Variants in PSMC5 observed in about 807,000 individuals in gnomAD.
The protein encoded by PSMC5 is 26S proteasome regulatory subunit 8.
Under a neutral mutation model 49.1 loss-of-function variants are expected in PSMC5, and 11 were observed. The ratio of observed to expected loss-of-function variants is 0.22; its 90% confidence interval spans 0.14 to 0.37. The LOEUF is 0.37. Among genes scored for constraint, PSMC5 ranks in the 10% least tolerant of loss-of-function variants. The probability of loss-of-function intolerance (pLI) is 1.00; values close to 1 mark genes in which losing one functional copy is unlikely to be tolerated. For missense variants in PSMC5, 229 were observed against 520.9 expected (o/e 0.44, Z 5.45); for synonymous variants, 206 against 192.2 (o/e 1.07, Z -0.59).
At position 63,832,009 on chromosome 17, in the gene PSMC5, T is replaced by TGG; in HGVS notation, c.*42_*43dup. 6.3e-7 allele frequency: 1 copy of TGG among 1,581,714 alleles called. No individual in the cohort carries two copies. The highest frequency in any genetic ancestry group is 1.1e-5 in the South Asian group (1 of 90,340). The stretch of plus-strand genomic sequence containing the variant: ...TGTGTATCTCTCCAATAAAGCTCTG[T>TGG]GGGCCAAGTCCTCTAGGACTCCAGT... On this transcript the variant is annotated 3_prime_UTR_variant, in exon 12 of 12. Transcript: ENST00000310144.
At chr17:63,828,315 T>A (rs2040137625) in intron 2 of PSMC5, 106 bp downstream of exon 2, 3 of 1,094,286 alleles carry the variant, frequency 2.7e-6, no homozygotes, top group Non-Finnish European at 4.0e-6. Flanking sequence ...AAGAAGCTGC[T>A]GCTTCTCCTT....
In PSMC5 at chr17:63,830,986, AGAGCTAAT is replaced by A; in HGVS notation, c.680-49_680-42del. 2 of 1,611,366 alleles carry A rather than the reference AGAGCTAAT, an allele frequency of 1.2e-6. No homozygotes were observed. Among genetic ancestry groups the A allele is most frequent in the Non-Finnish European group, 1.7e-6 (2 of 1,178,374 alleles). ...GCAAGAGGTAGGGGTAGGGGGTTAG[AGAGCTAAT>A]AAGCTAATAAGCTCCCTAACACCAG... On this transcript the variant is annotated intron_variant, in intron 7 of 11. Transcript: ENST00000310144. This position sits in a 1 kb window ranked among gnomAD's most constrained non-coding sequence, Gnocchi z 4.0.
rs776701733 is a variant in PSMC5 at position 63,830,170 on chromosome 17, A to G, written c.302A>G (p.Lys101Arg). 1 of 1,614,228 alleles carries G rather than the reference A, an allele frequency of 6.2e-7. No homozygotes were observed. Among genetic ancestry groups the G allele is most frequent in the Non-Finnish European group, 8.5e-7 (1 of 1,180,034 alleles). The change falls in exon 5 of 12, where the codon AAA (lysine) becomes AGA (arginine). Residue 101 changes from lysine to arginine, a missense_variant. Lys to Arg is a conservative substitution (Grantham distance 26). Coordinates refer to ENST00000310144, the MANE Select transcript of PSMC5 (RefSeq NM_002805.6). This position sits in a 1 kb window ranked among gnomAD's most constrained non-coding sequence, Gnocchi z 4.0. ...GGTAAATTTGTTGTAGACGTGGACA[A>G]AAACATTGACATCAATGATGTGAGT... The part of the protein sequence containing the change: ...PEGKFVVDVD[K>R]NIDINDVTPN...
chr17:63,830,232 C>A lies in PSMC5; in HGVS notation c.322-39C>A. On this transcript the variant is annotated intron_variant, in intron 5 of 11. Transcript: ENST00000310144. The surrounding 1 kb of genome is among the most constrained non-coding windows in gnomAD (Gnocchi z 4.0). ...GGTGGTGGTGGTGGTGGGGTCAGCT[C>A]TTACTGTACCACTTCTGAAACTCGC... is the stretch of plus-strand genomic sequence containing the variant. The A allele has an allele frequency of 5.0e-6, 8 of 1,613,790 alleles. No individual in the cohort carries two copies. The highest frequency in any genetic ancestry group is 6.8e-6 in the Non-Finnish European group (8 of 1,179,870).
chr17:63,831,115 C>T lies in PSMC5; in HGVS notation c.759C>T (p.Ser253=). Residue 253 remains serine, a synonymous_variant, in exon 8 of 12, where the codon TCC becomes TCT. Transcript: ENST00000310144. The surrounding 1 kb of genome is among the most constrained non-coding windows in gnomAD (Gnocchi z 6.3). ...TCATCTTCATGGACGAAATCGACTC[C>T]ATCGGCTCCTCGCGGCTGGAGGGGG... ...PSIIFMDEID[S]IGSSRLEGGS... is the part of the protein sequence containing the mutation. 1 of 1,569,170 alleles carries T rather than the reference C, an allele frequency of 6.4e-7. No individual in the cohort carries two copies. The highest frequency in any genetic ancestry group is 1.2e-5 in the South Asian group (1 of 83,144).
rs767100200 is a variant in PSMC5 at position 63,830,968 on chromosome 17, G to A, written c.679+33G>A. The A allele has an allele frequency of 1.5e-5, 25 of 1,613,560 alleles. 1 individual carries two copies. In the Middle Eastern group the frequency reaches 1.2e-3, roughly 74 times the overall value. ...TGGCTAGCAATGTGAGAAGCAAGAGGTAGGGGTAGGGGGTTAGAGAGCTAA... is the reference window on the plus strand; with the variant it reads ...TGGCTAGCAATGTGAGAAGCAAGAGATAGGGGTAGGGGGTTAGAGAGCTAA... On this transcript the variant is annotated intron_variant, in intron 7 of 11. Coordinates refer to ENST00000310144, the MANE Select transcript of PSMC5 (RefSeq NM_002805.6). This position sits in a 1 kb window ranked among gnomAD's most constrained non-coding sequence, Gnocchi z 4.0.
rs1187221893 is a variant in PSMC5, at chr17:63,831,020, C to T, written c.680-16C>T. 6.3e-7 allele frequency: 1 copy of T among 1,590,560 alleles called. No homozygotes were observed. The highest frequency in any genetic ancestry group is 8.6e-7 in the Non-Finnish European group (1 of 1,166,336). On this transcript the variant is annotated splice_polypyrimidine_tract_variant and intron_variant, in intron 7 of 11. Transcript: ENST00000310144. The surrounding 1 kb of genome is among the most constrained non-coding windows in gnomAD (Gnocchi z 6.3). ...AAGCTAATAAGCTCCCTAACACCAGCTCGGCCTCCACACAGGGGCAAGAAT... is the reference window on the plus strand; with the variant it reads ...AAGCTAATAAGCTCCCTAACACCAGTTCGGCCTCCACACAGGGGCAAGAAT...
Position 63,830,110 on chromosome 17 carries a change from G to T in PSMC5, c.265-23G>T, listed in dbSNP as rs756984247. ...AGTGATTTGGTGGCTGTCAAGGAAGGTCATGAGCCCTTGTTTCTTTAGGTA... is the reference window on the plus strand; with the variant it reads ...AGTGATTTGGTGGCTGTCAAGGAAGTTCATGAGCCCTTGTTTCTTTAGGTA... On this transcript the variant is annotated intron_variant, in intron 4 of 11. Transcript: ENST00000310144. The surrounding 1 kb of genome is among the most constrained non-coding windows in gnomAD (Gnocchi z 4.0). 2.3e-5 allele frequency: 37 copies of T among 1,610,896 alleles called. No homozygotes were observed. The South Asian group carries it at 3.5e-4, about 15-fold the overall frequency.
chr17:63,827,504 G>A lies in PSMC5; in HGVS notation c.14G>A (p.Gly5Glu). 1 of 1,551,764 alleles carries A rather than the reference G, an allele frequency of 6.4e-7. No homozygotes were observed. The highest frequency in any genetic ancestry group is 1.4e-5 in the African/African-American group (1 of 73,200). Reference protein sequence around the residue: MALDGPEQMELEEGK... With the variant: MALDEPEQMELEEGK... ...TGAAGAGAGAAGATGGCGCTTGACGGACCAGAGCAGGTATGGCGGGTGCAG... is the reference window on the plus strand; with the variant it reads ...TGAAGAGAGAAGATGGCGCTTGACGAACCAGAGCAGGTATGGCGGGTGCAG... The change falls in exon 1 of 12, where the codon GGA becomes GAA. Residue 5 changes from glycine to glutamate, a missense_variant. This residue lies in a region of PSMC5 where 98 missense variants were observed against 144.0 expected (regional missense o/e 0.68). Transcript: ENST00000310144.
chr17:63,829,649 GCTTA>G (rs763583802), intron 3 of PSMC5, 86 bp downstream of exon 3: 56 of 1,391,080 alleles, frequency 4.0e-5, no homozygotes, highest in Non-Finnish European at 4.8e-5. Flanking sequence ...TCACAGCAGT[GCTTA>G]CTGTTTTCTC....
chr17:63,830,202 G>A lies in PSMC5; in HGVS notation c.321+13G>A, dbSNP rs773411998. Reference sequence around the variant, plus strand: ...TGACATCAATGATGTGAGTGTAGCAGGTGAGGTGGTGGTGGTGGTGGGGTC... The same window carrying A: ...TGACATCAATGATGTGAGTGTAGCAAGTGAGGTGGTGGTGGTGGTGGGGTC... On this transcript the variant is annotated intron_variant, in intron 5 of 11. Coordinates refer to ENST00000310144, the MANE Select transcript of PSMC5 (RefSeq NM_002805.6). This position sits in a 1 kb window ranked among gnomAD's most constrained non-coding sequence, Gnocchi z 4.0. 1 of 1,614,128 alleles carries A rather than the reference G, an allele frequency of 6.2e-7. No homozygotes were observed. Among genetic ancestry groups the A allele is most frequent in the Non-Finnish European group, 8.5e-7 (1 of 1,180,002 alleles).
chr17:63,829,365 T>C lies in PSMC5; in HGVS notation c.97-129T>C, dbSNP rs564180784. ...GGGTCATTAGGATCATACTGGAGAA[T>C]CTGAAACAACATGCAGGTGCCCTGT... On this transcript the variant is annotated intron_variant, in intron 2 of 11. Coordinates refer to ENST00000310144, the MANE Select transcript of PSMC5 (RefSeq NM_002805.6). 15 of 784,420 alleles carry C rather than the reference T, an allele frequency of 1.9e-5. No homozygotes were observed. The African/African-American group carries it at 2.4e-4, about 13-fold the overall frequency. The allele number at this position is 784,420 out of a possible 1,614,324, so 48.6% of individuals were successfully genotyped here. A position where few individuals can be genotyped will look rare whatever the true frequency, so the allele number is the denominator to read the frequency against.
rs1443382148 is a variant in PSMC5 at position 63,830,271 on chromosome 17, G to C, written c.322G>C (p.Val108Leu). ...DVDKNIDIND[V>L]TPNCRVALRN... ...TCTGAAACTCGCCCCCTTCACCCAG[G>C]TGACACCCAATTGCCGGGTGGCTCT... The change falls in exon 6 of 12, where the codon GTG (valine) becomes CTG (leucine). Residue 108 changes from valine (V) to leucine (L), a missense_variant and splice_region_variant. Val to Leu is a conservative substitution (Grantham distance 32, BLOSUM62 1). Around this residue, in one of 4 missense-constraint regions of PSMC5, gnomAD observed 98 missense variants for 144.0 expected, o/e 0.68. Coordinates refer to ENST00000310144, the MANE Select transcript of PSMC5 (RefSeq NM_002805.6). The surrounding 1 kb of genome is among the most constrained non-coding windows in gnomAD (Gnocchi z 4.0). 2 of 1,614,146 alleles carry C rather than the reference G, an allele frequency of 1.2e-6. No individual in the cohort carries two copies. The highest frequency in any genetic ancestry group is 1.7e-6 in the Non-Finnish European group (2 of 1,180,040).
In PSMC5 at chr17:63,830,520, C is replaced by T; in HGVS notation, c.552+19C>T. 6.2e-7 allele frequency: 1 copy of T among 1,612,540 alleles called. No homozygotes were observed. Among genetic ancestry groups the T allele is most frequent in the South Asian group, 1.1e-5 (1 of 90,970 alleles). On this transcript the variant is annotated intron_variant, in intron 6 of 11. Coordinates refer to ENST00000310144, the MANE Select transcript of PSMC5 (RefSeq NM_002805.6). This position sits in a 1 kb window ranked among gnomAD's most constrained non-coding sequence, Gnocchi z 4.0. ...GCCCAAGGTGAGGAGCAGGGCTTCT[C>T]TGAGAGGGCCAAGCTGTACTTACTC...
intron 1 of PSMC5, 61 bp downstream of exon 1, chr17:63,827,575 C>A: frequency 6.4e-7 from 1 of 1,551,194 alleles, no homozygotes; most frequent in Admixed American, 2.0e-5. Context: ...CGAGCGTGAT[C>A]TGAGTGGAGA....
chr17:63,830,415 A>C lies in PSMC5; in HGVS notation c.466A>C (p.Lys156Gln), dbSNP rs1228067269. 1 of 1,614,120 alleles carries C rather than the reference A, an allele frequency of 6.2e-7. No homozygotes were observed. Among genetic ancestry groups the C allele is most frequent in the Non-Finnish European group, 8.5e-7 (1 of 1,180,056 alleles). The change falls in exon 6 of 12, where the codon AAA becomes CAA. Residue 156 changes from lysine (K) to glutamine (Q), a missense_variant. By Grantham distance (53) the Lys-to-Gln change is moderately conservative. This residue lies in a region of PSMC5 where 0 missense variants were observed against 23.9 expected (regional missense o/e 0.00). Coordinates refer to ENST00000310144, the MANE Select transcript of PSMC5 (RefSeq NM_002805.6). This position sits in a 1 kb window ranked among gnomAD's most constrained non-coding sequence, Gnocchi z 4.0. ...TTATGAGATGATTGGTGGACTGGAC[A>C]AACAGATCAAGGAGATCAAAGAAGT... The part of the protein sequence containing the change: ...STYEMIGGLD[K>Q]QIKEIKEVIE...
At position 63,830,509 on chromosome 17, in the gene PSMC5, G is replaced by T. The variant is rs2040169364; in HGVS notation, c.552+8G>T. ...GGCATTGCTCAGCCCAAGGTGAGGA[G>T]CAGGGCTTCTCTGAGAGGGCCAAGC... On this transcript the variant is annotated splice_region_variant and intron_variant, in intron 6 of 11. Coordinates refer to ENST00000310144, the MANE Select transcript of PSMC5 (RefSeq NM_002805.6). This position sits in a 1 kb window ranked among gnomAD's most constrained non-coding sequence, Gnocchi z 4.0. 8 of 1,613,524 alleles carry T rather than the reference G, an allele frequency of 5.0e-6. No homozygotes were observed. The highest frequency in any genetic ancestry group is 6.8e-6 in the Non-Finnish European group (8 of 1,179,946).
intron 1 of PSMC5, 115 bp downstream of exon 1, chr17:63,827,629 C>A: frequency 6.5e-7 from 1 of 1,543,442 alleles, no homozygotes; most frequent in Non-Finnish European, 8.7e-7. Flanking sequence ...GGTGCCTGGA[C>A]CAGTCCATGC....
Position 63,831,908 on chromosome 17 carries a change from A to AC in PSMC5, c.1168-4dup, listed in dbSNP as rs1426086577. 2 of 1,613,674 alleles carry AC rather than the reference A, an allele frequency of 1.2e-6. No homozygotes were observed. Among genetic ancestry groups the AC allele is most frequent in the South Asian group, 2.2e-5 (2 of 91,060 alleles). ...TAACTTAATGTTCATTCTCTCTCCC[A>AC]CCCCTAGGTCATGCAGAAGGACAGT... is the stretch of plus-strand genomic sequence containing the variant. On this transcript the variant is annotated splice_region_variant and splice_polypyrimidine_tract_variant and intron_variant, in intron 11 of 11. Transcript: ENST00000310144. This position sits in a 1 kb window ranked among gnomAD's most constrained non-coding sequence, Gnocchi z 6.3.
Sources: gnomAD v4.1 joint callset for allele counts on GRCh38, gnomAD v4.1.1 for gene constraint, gnomAD v4.1.1 regional missense constraint, Gnocchi (gnomAD v3.1) non-coding constraint, MANE v1.5 for transcripts, NCBI Gene and HGNC (gene_info 2026-07-23, HGNC 2026-07-21) for gene names.